The following PLEKHA1 variants were observed in gnomAD, a reference collection of about 807,000 sequenced individuals.
PLEKHA1 encodes the protein pleckstrin homology domain-containing family A member 1.
Under a neutral mutation model 52.0 loss-of-function variants are expected in PLEKHA1, and 34 were observed. The ratio of observed to expected loss-of-function variants is 0.65; its 90% CI spans 0.50 to 0.87. The LOEUF is 0.87. Among genes scored for constraint, PLEKHA1 ranks in the 40% least tolerant of loss-of-function variants. The pLI is 0.00. For missense variants in PLEKHA1, 497 were observed against 504.2 expected, an observed-to-expected ratio of 0.99 and a Z score of 0.14; for synonymous variants, 163 against 170.7, an observed-to-expected ratio of 0.95 and a Z score of 0.35.
intron 8 of PLEKHA1, chr10:122,423,491 A>C (rs1031244288): frequency 6.6e-6 from 1 of 151,920 alleles, no homozygotes; most frequent in African/African-American, 2.4e-5. Context: ...TTGGTGCTAC[A>C]TAAAGTAATG....
chr10:122,403,543 T>C (rs1205941341), intron 4 of PLEKHA1, among the ~76,000 whole-genome samples: 1 of 152,096 alleles, frequency 6.6e-6, no homozygotes, highest in Non-Finnish European at 1.5e-5. Context: ...GGGATGCATG[T>C]ATTATTCACA....
At chr10:122,436,761 G>T (rs1428259587), downstream of PLEKHA1, 1 of 152,090 alleles carries the variant, frequency 6.6e-6, no homozygotes, top group Non-Finnish European at 1.5e-5. Flanking sequence ...GCCTTTGGGG[G>T]GTCCCATGAG....
chr10:122,378,472 A>G (rs1471248168), intron 1 of PLEKHA1, among the ~76,000 whole-genome samples: 1 of 148,774 alleles, frequency 6.7e-6, no homozygotes, highest in Non-Finnish European at 1.5e-5. Context: ...TCAGTGGCTC[A>G]TGCCTGTAAT....
chr10:122,424,656 C>T (rs1174955603), intron 9 of PLEKHA1, among the ~76,000 whole-genome samples: 3 of 152,128 alleles, frequency 2.0e-5, no homozygotes, highest in African/African-American at 7.2e-5. Context: ...CAGTGTTTCA[C>T]CAAACTGATT....
downstream of PLEKHA1, chr10:122,434,634 T>G (rs1189907784): frequency 6.6e-6 from 1 of 151,736 alleles, no homozygotes; most frequent in Non-Finnish European, 1.5e-5. Flanking sequence ...TAGTTACATA[T>G]GTATACATGT....
intron 1 of PLEKHA1, chr10:122,387,757 C>G (rs2059365211): frequency 6.6e-6 from 1 of 152,184 alleles, no homozygotes; most frequent in African/African-American, 2.4e-5. Context: ...ACTGGGACAG[C>G]TGGGTGTGGG....
intron 4 of PLEKHA1, among the ~76,000 whole-genome samples, chr10:122,404,272 T>C (rs2096973745): frequency 6.6e-6 from 1 of 152,222 alleles, no homozygotes; most frequent in Non-Finnish European, 1.5e-5. Context: ...TATATCTACG[T>C]CTTGCCATGA....
At chr10:122,406,775 A>G in intron 5 of PLEKHA1, 102 bp downstream of exon 5, 3 of 851,992 alleles carry the variant, frequency 3.5e-6, no homozygotes, top group South Asian at 1.6e-5. Context: ...AACAGGTTTC[A>G]TACTCAAGCT....
At chr10:122,413,630 AAGT>A (rs1427345115) in intron 6 of PLEKHA1, among the ~76,000 whole-genome samples, 1 of 152,160 alleles carries the variant, frequency 6.6e-6, no homozygotes, top group Non-Finnish European at 1.5e-5. Flanking sequence ...TATATCTCAG[AAGT>A]ACTAATATGC....
At chr10:122,428,091 A>G (rs1209831028) in intron 11 of PLEKHA1, among the ~76,000 whole-genome samples, 1 of 152,200 alleles carries the variant, frequency 6.6e-6, no homozygotes, top group African/African-American at 2.4e-5. Flanking sequence ...GCAGTCAAGT[A>G]TGAGACTCTC....
At chr10:122,400,609 T>A (rs1009884058) in intron 4 of PLEKHA1, among the ~76,000 whole-genome samples, 2 of 152,196 alleles carry the variant, frequency 1.3e-5, no homozygotes, top group Non-Finnish European at 2.9e-5. Flanking sequence ...TACAAACATC[T>A]CCTTCTACCC....
intron 4 of PLEKHA1, among the ~76,000 whole-genome samples, chr10:122,402,432 G>A (rs1278878648): frequency 6.6e-6 from 1 of 152,186 alleles, no homozygotes; most frequent in Non-Finnish European, 1.5e-5. Context: ...AACAAGAAAC[G>A]TGCAAGCCAT....
chr10:122,406,368 T>C lies in PLEKHA1; in HGVS notation c.245-208T>C, dbSNP rs77756951. 6.4e-3 allele frequency among the ~76,000 whole-genome samples: 972 copies of C among 152,310 alleles called. 11 individuals carry two copies. The highest frequency in any genetic ancestry group is 0.021 in the African/African-American group (886 of 41,572). The stretch of plus-strand genomic sequence containing the variant: ...GATTGACTAAATGTATTGTGGTGTA[T>C]CCATTTAATAAACAAAATGGCCATA... On this transcript the variant is annotated intron_variant, in intron 4 of 11. Coordinates refer to ENST00000368990, the MANE Select transcript of PLEKHA1 (RefSeq NM_001001974.4).
chr10:122,430,101 C>A lies in PLEKHA1; in HGVS notation c.*163C>A. On this transcript the variant is annotated 3_prime_UTR_variant, in exon 12 of 12. Coordinates refer to ENST00000368990, the MANE Select transcript of PLEKHA1 (RefSeq NM_001001974.4). ...GGTAAACCAAGAATCTAGGGAGTGG[C>A]CAAACTAAATATAATTTCTTTAAAA... 5 of 703,590 alleles carry A rather than the reference C, an allele frequency of 7.1e-6. No individual in the cohort carries two copies. The highest frequency in any genetic ancestry group is 3.2e-5 in the South Asian group (1 of 30,784). The allele number at this position is 703,590 out of a possible 1,614,324, so 43.6% of individuals were successfully genotyped here.
chr10:122,427,856 A>G (rs2097362333), intron 11 of PLEKHA1, among the ~76,000 whole-genome samples: 1 of 152,198 alleles, frequency 6.6e-6, no homozygotes, highest in Non-Finnish European at 1.5e-5. Flanking sequence ...ACTATGACAT[A>G]TATGCTAGTT....
At chr10:122,380,864 C>T (rs1176138102) in intron 1 of PLEKHA1, among the ~76,000 whole-genome samples, 1 of 152,050 alleles carries the variant, frequency 6.6e-6, no homozygotes, top group Non-Finnish European at 1.5e-5. Flanking sequence ...CCAAGGTTGA[C>T]ATCTATTGCA....
chr10:122,398,035 A>T, intron 3 of PLEKHA1, 61 bp downstream of exon 3: 1 of 1,369,980 alleles, frequency 7.3e-7, no homozygotes, highest in South Asian at 1.2e-5. Context: ...TGAGAGTATG[A>T]ATAGAAGCAG....
At position 122,427,123 on chromosome 10, in the gene PLEKHA1, C is replaced by G. The variant is rs868857964; in HGVS notation, c.900+92C>G. On this transcript the variant is annotated intron_variant, in intron 11 of 11. Coordinates refer to ENST00000368990, the MANE Select transcript of PLEKHA1 (RefSeq NM_001001974.4). ...CCCAATCCATCCGGTTTCTTTCTTT[C>G]TTGAGATTTATTTGCATGTTGACTT... 5.7e-6 allele frequency: 7 copies of G among 1,223,822 alleles called. No homozygotes were observed. In the African/African-American group the frequency reaches 9.2e-5, roughly 16 times the overall value. 75.8% of individuals were successfully genotyped at this position (1,223,822 alleles called of 1,614,324 possible).
At chr10:122,442,063 T>A in the PLEKHA1 span, 1 of 152,198 alleles carries the variant, frequency 6.6e-6, no homozygotes, top group Admixed American at 6.5e-5. Flanking sequence ...TGTAATTCCG[T>A]GGAGATGATT....
Sources: allele counts gnomAD v4.1 joint callset (sites outside exome capture counted in the v4.1 genomes callset), GRCh38; gene constraint gnomAD v4.1.1; transcripts MANE v1.5; gene names NCBI Gene and HGNC (gene_info 2026-07-23, HGNC 2026-07-21).